Variants in TFEC observed in about 807,000 individuals in gnomAD.
The protein encoded by TFEC is class E basic helix-loop-helix protein 34.
A neutral mutation model predicts 41.6 loss-of-function variants in TFEC; 31 were observed. The ratio of observed to expected loss-of-function variants is 0.74; its 90% CI spans 0.56 to 1.01. The LOEUF (loss-of-function observed/expected upper bound fraction) is 1.01, where lower values mean the gene tolerates loss of function less well. TFEC is among the 50% of genes least tolerant of loss of function. The probability of loss-of-function intolerance (pLI) is 0.00; values close to 1 mark genes in which losing one functional copy is unlikely to be tolerated. For synonymous variants in TFEC, 143 were observed against 140.6 expected, an observed-to-expected ratio of 1.02 and a Z score of -0.12; for missense variants, 402 against 404.1, an observed-to-expected ratio of 0.99 and a Z score of 0.04.
chr7:116,024,937 T>C (rs1795533163), intron 1 of TFEC, among the ~76,000 whole-genome samples: 1 of 152,162 alleles, frequency 6.6e-6, no homozygotes, highest in African/African-American at 2.4e-5. Context: ...ATGGTTTTGT[T>C]TGTTTCATCT....
rs578258067 is a variant in TFEC, at chr7:116,098,952, A to G, written c.198+11756T>C. On this transcript the variant is annotated intron_variant, in intron 3 of 8. Coordinates refer to the TFEC transcript ENST00000484212. Reference sequence around the variant, plus strand: ...AGAAAATTACAGATCAATATCTTTCATAGATTTAGAAGCAAAAGTCTTCAG... The same window carrying G: ...AGAAAATTACAGATCAATATCTTTCGTAGATTTAGAAGCAAAAGTCTTCAG... Among the ~76,000 whole-genome samples the G allele has an allele frequency of 2.6e-5, 4 of 152,172 alleles. No individual in the cohort carries two copies. The East Asian group carries it at 7.7e-4, about 29-fold the overall frequency.
chr7:116,040,851 C>T (rs538559297), intron 3 of TFEC, among the ~76,000 whole-genome samples: 2 of 152,208 alleles, frequency 1.3e-5, no homozygotes, highest in African/African-American at 2.4e-5. Context: ...GTGATTCTTA[C>T]GTCAAATGGT....
chr7:116,050,073 G>C (rs1165267020), intron 3 of TFEC, among the ~76,000 whole-genome samples: 4 of 152,108 alleles, frequency 2.6e-5, no homozygotes, highest in Non-Finnish European at 5.9e-5. Flanking sequence ...AAAAGAACTA[G>C]AGAAGCAACA....
chr7:115,942,002 G>A lies in TFEC; in HGVS notation c.554C>T (p.Ser185Leu). ...TTGTAGCCACTTGATGTACTCCACT[G>A]ATGCTTTTAGAATGGTTCCTTTGTT... ...RWNKGTILKA[S>L]VEYIKWLQKE... Residue 185 changes from serine (S) to leucine (L), a missense_variant, in exon 7 of 8, where the codon TCA becomes TTA. Coordinates refer to ENST00000265440, the MANE Select transcript of TFEC (RefSeq NM_012252.4). 6.2e-7 allele frequency: 1 copy of A among 1,612,892 alleles called. No individual in the cohort carries two copies. Among genetic ancestry groups the A allele is most frequent in the Non-Finnish European group, 8.5e-7 (1 of 1,179,286 alleles).
intron 3 of TFEC, among the ~76,000 whole-genome samples, chr7:115,959,396 C>T (rs1032613728): frequency 4.0e-5 from 6 of 151,602 alleles, no homozygotes; most frequent in Non-Finnish European, 5.9e-5. Context: ...AGAGGCTCTT[C>T]GCCGTAGATT....
At chr7:116,093,932 T>G (rs966847796) in intron 3 of TFEC, among the ~76,000 whole-genome samples, 2 of 152,210 alleles carry the variant, frequency 1.3e-5, no homozygotes, top group Non-Finnish European at 2.9e-5. Flanking sequence ...AAAACTTTTG[T>G]GCATAAGGTT....
chr7:115,985,611 C>CTT (rs1231178840), intron 1 of TFEC, among the ~76,000 whole-genome samples: 3 of 151,986 alleles, frequency 2.0e-5, no homozygotes, highest in Non-Finnish European at 4.4e-5. Flanking sequence ...TTTAAATTAG[C>CTT]TGGTTTGGGG....
At chr7:116,066,750 C>T (rs1032106702) in intron 3 of TFEC, among the ~76,000 whole-genome samples, 56 of 152,108 alleles carry the variant, frequency 3.7e-4, no homozygotes, top group African/African-American at 1.2e-3. Context: ...AGGATTATGT[C>T]TACTGTGTAA....
At chr7:115,956,183 G>A (rs916369988) in intron 4 of TFEC, among the ~76,000 whole-genome samples, 1 of 151,600 alleles carries the variant, frequency 6.6e-6, no homozygotes, top group African/African-American at 2.4e-5. Flanking sequence ...AAAACTCAGG[G>A]TTTATTTTCA....
intron 1 of TFEC, among the ~76,000 whole-genome samples, chr7:116,029,301 A>C (rs888524250): frequency 6.6e-5 from 10 of 152,198 alleles, no homozygotes; most frequent in Non-Finnish European, 2.9e-5. Context: ...AGTTTAGCCT[A>C]CTTAAAGTAG....
At chr7:115,942,580 A>G (rs1793560528) in intron 6 of TFEC, among the ~76,000 whole-genome samples, 2 of 152,194 alleles carry the variant, frequency 1.3e-5, no homozygotes, top group South Asian at 4.2e-4. Flanking sequence ...CACTTTATGT[A>G]ATAGAGCAAA....
chr7:116,094,032 C>A (rs1426069009), intron 3 of TFEC, among the ~76,000 whole-genome samples: 1 of 152,076 alleles, frequency 6.6e-6, no homozygotes, highest in Non-Finnish European at 1.5e-5. Context: ...AAAACAAAAC[C>A]ACAAGAAGAA....
At chr7:116,062,175 C>G (rs557055524) in intron 3 of TFEC, among the ~76,000 whole-genome samples, 1 of 148,504 alleles carries the variant, frequency 6.7e-6, no homozygotes, top group East Asian at 2.0e-4. Flanking sequence ...ATTCTTGTGC[C>G]TCAGCCTCCC....
At chr7:116,002,672 T>A (rs1325614505) in intron 1 of TFEC, among the ~76,000 whole-genome samples, 2 of 152,136 alleles carry the variant, frequency 1.3e-5, no homozygotes, top group Non-Finnish European at 2.9e-5. Flanking sequence ...GTAAAGAGTA[T>A]AATTGGATTG....
intron 2 of TFEC, among the ~76,000 whole-genome samples, chr7:115,978,533 C>T (rs1450758885): frequency 2.6e-5 from 4 of 152,096 alleles, no homozygotes; most frequent in East Asian, 1.9e-4. Context: ...TTTTATGACC[C>T]GTTATGCCTT....
chr7:116,070,043 C>T (rs948834488), intron 3 of TFEC, among the ~76,000 whole-genome samples: 6 of 150,984 alleles, frequency 4.0e-5, no homozygotes, highest in African/African-American at 1.2e-4. Flanking sequence ...TACATACATA[C>T]TTAATATGTA....
chr7:116,047,011 T>C (rs980438022), intron 3 of TFEC, among the ~76,000 whole-genome samples: 2 of 152,170 alleles, frequency 1.3e-5, no homozygotes, highest in Non-Finnish European at 2.9e-5. Context: ...GTGACTCCAG[T>C]AAACACTGTT....
chr7:115,952,095 A>C (rs1414754094), intron 5 of TFEC, among the ~76,000 whole-genome samples: 2 of 152,128 alleles, frequency 1.3e-5, no homozygotes, highest in Non-Finnish European at 2.9e-5. Flanking sequence ...AAGGAAAGTC[A>C]TCAAAGACTA....
chr7:115,945,622 T>C (rs905434760), intron 6 of TFEC, among the ~76,000 whole-genome samples: 1 of 151,936 alleles, frequency 6.6e-6, no homozygotes, highest in Admixed American at 6.6e-5. Context: ...ATTCAACATC[T>C]AATTAATGTG....
Sources: allele counts gnomAD v4.1 joint callset (sites outside exome capture counted in the v4.1 genomes callset), GRCh38; gene constraint gnomAD v4.1.1; transcripts MANE v1.5; gene names NCBI Gene and HGNC (gene_info 2026-07-23, HGNC 2026-07-21).